Variants in TMC4 observed in about 807,000 individuals in gnomAD.
TMC4 encodes transmembrane channel like 4.
In TMC4, 70 loss-of-function variants were observed where a neutral mutation model predicts 82.0. The observed-to-expected ratio is 0.85, with a 90% CI of 0.70 to 1.04. TMC4 has a LOEUF of 1.04. Ranked by LOEUF, TMC4 falls within the 50% of genes least tolerant of loss-of-function variation. The pLI is 0.00. For missense variants in TMC4, 879 were observed against 899.0 expected, an observed-to-expected ratio of 0.98 and a Z score of 0.28; for synonymous variants, 446 against 406.0, an observed-to-expected ratio of 1.10 and a Z score of -1.18.
rs150459187 is a variant in TMC4, at chr19:54,168,218, G to A, written c.750C>T (p.Cys250=). The part of the protein sequence containing the change: ...PRPRLAVTYL[C]WAFAVGLICL... ...AGATGAGGCCAACGGCAAAGGCCCA[G>A]CACAGGTAGGTGACCGCCAGGCGTG... Residue 250 remains cysteine (C), a synonymous_variant, in exon 5 of 15, where the codon TGC becomes TGT. Coordinates refer to ENST00000619895, the MANE Select transcript of TMC4 (RefSeq NM_144686.4). 1 of 1,594,012 alleles carries A rather than the reference G, an allele frequency of 6.3e-7. No individual in the cohort carries two copies. Among genetic ancestry groups the A allele is most frequent in the African/African-American group, 1.3e-5 (1 of 74,730 alleles).
chr19:54,168,561 C>T lies in TMC4; in HGVS notation c.562G>A (p.Ala188Thr). Residue 188 changes from alanine (A) to threonine (T), a missense_variant, in exon 4 of 15, where the codon GCT becomes ACT. Physicochemically the swap from Ala to Thr is moderately conservative, Grantham distance 58. Coordinates refer to ENST00000619895, the MANE Select transcript of TMC4 (RefSeq NM_144686.4). ...MTLLPTWLGG[A>T]PPGPPGPDIS... The stretch of plus-strand genomic sequence containing the variant: ...TCGGGGCCGGGAGGGCCTGGGGGAG[C>T]GCCTCCCAACCAGGTGGGCAGCAGC... 4 of 1,573,810 alleles carry T rather than the reference C, an allele frequency of 2.5e-6. No homozygotes were observed. The highest frequency in any genetic ancestry group is 2.6e-6 in the Non-Finnish European group (3 of 1,160,452).
At chr19:54,172,815 T>C in intron 1 of TMC4, 1 of 511,480 alleles carries the variant, frequency 2.0e-6, no homozygotes, top group East Asian at 3.5e-5. Flanking sequence ...CTCCCAGCCC[T>C]TAGCCCTCCC....
chr19:54,163,193 C>G lies in TMC4; in HGVS notation c.1278-34G>C, dbSNP rs749665986. On this transcript the variant is annotated intron_variant, in intron 8 of 14. Transcript: ENST00000619895. The stretch of plus-strand genomic sequence containing the variant: ...GGGAAGGCAGAGAATGGGCCCTGAC[C>G]CGGTACCCACCATGTGGCAGTTCCC... The G allele has an allele frequency of 5.0e-6, 8 of 1,612,158 alleles. No individual in the cohort carries two copies. The African/African-American group carries it at 6.7e-5, about 13-fold the overall frequency.
In TMC4 at chr19:54,162,674, T is replaced by C. The variant is rs771757357; in HGVS notation, c.1501A>G (p.Lys501Glu). The change falls in exon 10 of 15, where the codon AAG becomes GAG. Residue 501 changes from lysine (K) to glutamate (E), a missense_variant and splice_region_variant. Coordinates refer to ENST00000619895, the MANE Select transcript of TMC4 (RefSeq NM_144686.4). ...CACAGCAAGGGGCGGGGCTCTCACTTTCTAGGAAACTGGATGAGCAGCGCG... is the reference window on the plus strand; with the variant it reads ...CACAGCAAGGGGCGGGGCTCTCACTCTCTAGGAAACTGGATGAGCAGCGCG... ...AVALLIQFPR[K>E]LLCGLCPGAL... is the part of the protein sequence containing the mutation. 1.5e-5 allele frequency: 25 copies of C among 1,613,314 alleles called. No homozygotes were observed.
chr19:54,166,137 G>T (rs948699395), intron 5 of TMC4, among the ~76,000 whole-genome samples: 1 of 151,782 alleles, frequency 6.6e-6, no homozygotes, highest in East Asian at 1.9e-4. Context: ...CCAGCACTTT[G>T]GGAGGCCGAG....
intron 7 of TMC4, 127 bp from the exon 8 acceptor site, chr19:54,164,014 A>G (rs36654): frequency 0.69 from 714,877 of 1,036,288 alleles, 249,365 homozygotes; most frequent in East Asian, 0.84. Flanking sequence ...TCGCTCTGTT[A>G]CCCAGCCTAG....
At chr19:54,162,629 T>C in intron 10 of TMC4, 44 bp downstream of exon 10, 1 of 1,471,148 alleles carries the variant, frequency 6.8e-7, no homozygotes, top group Non-Finnish European at 9.5e-7. Flanking sequence ...GGGCACGGCC[T>C]CGTCCTAGAG....
rs1031616419 is a variant in TMC4 at position 54,171,875 on chromosome 19, T to C, written c.288A>G (p.Ala96=). Residue 96 remains alanine, a synonymous_variant, in exon 2 of 15, where the codon GCA becomes GCG. Coordinates refer to ENST00000619895, the MANE Select transcript of TMC4 (RefSeq NM_144686.4). ...AGCTGGAGGTGGGGCCTCACCTGTG[T>C]GCCCGTCTGGCCTGCATGGGCCAGG... is the stretch of plus-strand genomic sequence containing the variant. ...ELPWPMQARR[A]HRQRNASRDQ... 2 of 1,600,922 alleles carry C rather than the reference T, an allele frequency of 1.2e-6. No homozygotes were observed. The highest frequency in any genetic ancestry group is 1.7e-6 in the Non-Finnish European group (2 of 1,173,066).
At chr19:54,172,956 C>T in intron 1 of TMC4, 83 bp downstream of exon 1, 1 of 1,234,206 alleles carries the variant, frequency 8.1e-7, no homozygotes, top group Admixed American at 2.2e-5. Context: ...CTCAGGAGGC[C>T]AGGCCTCCCC....
At chr19:54,169,826 A>G (rs1313116447) in intron 2 of TMC4, among the ~76,000 whole-genome samples, 166 bp from the exon 3 acceptor site, 2 of 152,202 alleles carry the variant, frequency 1.3e-5, no homozygotes, top group Non-Finnish European at 2.9e-5. Flanking sequence ...ACAGTGGCTC[A>G]GGCCTGTAAT....
chr19:54,164,823 T>G (rs999152609), intron 6 of TMC4: 1 of 604,146 alleles, frequency 1.7e-6, no homozygotes, highest in Non-Finnish European at 2.9e-6. Flanking sequence ...CAAGCCCCCA[T>G]CCCTCCGCGG....
chr19:54,166,914 C>T (rs955638814), intron 5 of TMC4, among the ~76,000 whole-genome samples: 2 of 151,744 alleles, frequency 1.3e-5, no homozygotes, highest in East Asian at 3.9e-4. Flanking sequence ...GATCGCACTA[C>T]TGCACTCTAG....
At chr19:54,160,427 A>T (rs763462422) in intron 14 of TMC4, 40 bp downstream of exon 14, 1 of 1,603,070 alleles carries the variant, frequency 6.2e-7, no homozygotes. Flanking sequence ...ACCCCTTTCC[A>T]TGTTCCCCAG....
chr19:54,165,925 C>T (rs1057343946), intron 5 of TMC4, among the ~76,000 whole-genome samples: 1 of 151,738 alleles, frequency 6.6e-6, no homozygotes, highest in East Asian at 1.9e-4. Context: ...GAGGGAGATT[C>T]GGAGAAAGGG....
At chr19:54,163,536 G>T in intron 8 of TMC4, 188 bp downstream of exon 8, 1 of 701,660 alleles carries the variant, frequency 1.4e-6, no homozygotes, top group Non-Finnish European at 2.5e-6. Context: ...TCGAACTCCT[G>T]ACCTCAGCCT....
chr19:54,169,103 G>C (rs926881989), intron 3 of TMC4, among the ~76,000 whole-genome samples: 2 of 136,710 alleles, frequency 1.5e-5, no homozygotes, highest in Admixed American at 1.6e-4. Context: ...GCGCGATCTC[G>C]GCTCACTGCA....
In TMC4 at chr19:54,165,070, CT is replaced by C. The variant is rs34861271; in HGVS notation, c.945+348del. On this transcript the variant is annotated intron_variant, in intron 6 of 14. Transcript: ENST00000619895. The stretch of plus-strand genomic sequence containing the variant: ...TTGTGCTTACTTAAAAAAAAACAAA[CT>C]TTTTTTTTTTTTTTTTGGTAGAGAG... 5.7e-3 allele frequency among the ~76,000 whole-genome samples: 780 copies of C among 135,988 alleles called. 3 individuals are homozygous for C. The highest frequency in any genetic ancestry group is 0.014 in the African/African-American group (503 of 36,224). 89.2% of individuals were successfully genotyped at this position (135,988 alleles called of 152,430 possible). A position where few individuals can be genotyped will look rare whatever the true frequency, so the allele number is the denominator to read the frequency against.
Position 54,163,765 on chromosome 19 carries a change from C to T in TMC4, c.1236G>A (p.Glu412=). 2 of 1,614,086 alleles carry T rather than the reference C, an allele frequency of 1.2e-6. No individual in the cohort carries two copies. The highest frequency in any genetic ancestry group is 8.5e-7 in the Non-Finnish European group (1 of 1,180,020). ...CGATCTGGCGACTCCGAGTGTAGCC[C>T]TCCAGTGGAGCAATGAGCTTGAACA... ...PPVFKLIAPL[E]GYTRSRQIVF... Residue 412 remains glutamate, a synonymous_variant, in exon 8 of 15, where the codon GAG becomes GAA. Transcript: ENST00000619895.
chr19:54,161,361 C>T, intron 11 of TMC4, 101 bp from the exon 12 acceptor site: 1 of 1,301,608 alleles, frequency 7.7e-7, no homozygotes, highest in Non-Finnish European at 1.0e-6. Context: ...GCTCTGTCGC[C>T]CAGGCTTTTT....
Sources: gnomAD v4.1 joint callset for allele counts (sites outside exome capture counted in the v4.1 genomes callset) on GRCh38, gnomAD v4.1.1 for gene constraint, MANE v1.5 for transcripts, NCBI Gene and HGNC (gene_info 2026-07-23, HGNC 2026-07-21) for gene names.